The following RMC1 variants were observed in gnomAD, a reference collection of about 807,000 sequenced individuals.
The protein encoded by RMC1 is regulator of MON1-CCZ1.
A neutral mutation model predicts 95.5 loss-of-function variants in RMC1; 44 were observed. That is an observed-to-expected ratio of 0.46 (90% CI 0.36 to 0.59). The LOEUF (loss-of-function observed/expected upper bound fraction) is 0.59. Ranked by LOEUF, RMC1 falls within the 20% of genes least tolerant of loss-of-function variation. The probability of loss-of-function intolerance (pLI) is 0.00; values close to 1 mark genes in which losing one functional copy is unlikely to be tolerated. For synonymous variants in RMC1, 320 were observed against 303.6 expected (o/e 1.05, Z -0.56); for missense variants, 705 against 819.6 (o/e 0.86, Z 1.71).
chr18:23,513,841 T>C (rs892264526), intron 5 of RMC1, among the ~76,000 whole-genome samples: 2 of 152,258 alleles, frequency 1.3e-5, no homozygotes, highest in African/African-American at 4.8e-5. Context: ...GAGAAATGAC[T>C]AATTCGGGTC....
chr18:23,519,189 CG>C lies in RMC1; in HGVS notation c.849+16del. 1 of 1,604,866 alleles carries C rather than the reference CG, an allele frequency of 6.2e-7. No homozygotes were observed. Among genetic ancestry groups the C allele is most frequent in the East Asian group, 2.2e-5 (1 of 44,766 alleles). ...AGGATACAGAGGTACAAGCTGTCTG[CG>C]TTTCTACCAAAGTTAAGGTTGCTTA... is the stretch of plus-strand genomic sequence containing the variant. On this transcript the variant is annotated intron_variant, in intron 9 of 19. Coordinates refer to ENST00000269221, the MANE Select transcript of RMC1 (RefSeq NM_013326.5).
rs534717034 is a variant in RMC1 at position 23,527,342 on chromosome 18, C to T, written c.1190-453C>T. Reference sequence around the variant, plus strand: ...TGAGCCCGGGAGGACGAGGCTGCAGCGAGCCGTTTGTGTCAGTGTACCTCC... The same window carrying T: ...TGAGCCCGGGAGGACGAGGCTGCAGTGAGCCGTTTGTGTCAGTGTACCTCC... On this transcript the variant is annotated intron_variant, in intron 13 of 19. Transcript: ENST00000269221. Among the ~76,000 whole-genome samples, 18 of 151,808 alleles carry T rather than the reference C, an allele frequency of 1.2e-4. No individual in the cohort carries two copies. In the South Asian group the frequency reaches 2.5e-3, roughly 21 times the overall value.
At chr18:23,513,916 A>C (rs553424854) in intron 5 of RMC1, among the ~76,000 whole-genome samples, 1 of 152,188 alleles carries the variant, frequency 6.6e-6, no homozygotes, top group African/African-American at 2.4e-5. Flanking sequence ...ATATATTCTG[A>C]TATTAACACC....
Position 23,530,665 on chromosome 18 carries a change from A to C in RMC1, c.1894+53A>C. ...TAACCATAGCCTCAAAGAGTAGCAG[A>C]GGGCACTGGCAGCTGGTGGGCGAGG... On this transcript the variant is annotated intron_variant, in intron 19 of 19. Transcript: ENST00000269221. The C allele has an allele frequency of 5.8e-6, 9 of 1,549,876 alleles. No individual in the cohort carries two copies. In the East Asian group the frequency reaches 2.0e-4, roughly 35 times the overall value.
At chr18:23,531,402 A>AC (rs2058500323) in intron 19 of RMC1, 2 of 848,606 alleles carry the variant, frequency 2.4e-6, no homozygotes, top group Non-Finnish European at 3.4e-6. Flanking sequence ...AGCTCAATGT[A>AC]AGACGGCATT....
chr18:23,528,158 T>C, intron 14 of RMC1: 1 of 363,728 alleles, frequency 2.7e-6, no homozygotes, highest in Non-Finnish European at 5.0e-6. Flanking sequence ...GTGTTTGATC[T>C]TGCCTGTAGA....
Position 23,516,355 on chromosome 18 carries a change from T to A in RMC1, c.585T>A (p.Ile195=). 6.2e-7 allele frequency: 1 copy of A among 1,614,248 alleles called. No homozygotes were observed. Among genetic ancestry groups the A allele is most frequent in the South Asian group, 1.1e-5 (1 of 91,092 alleles). ...GTMSKLPKFE[I]ELPAAPKSTK... ...TGTCGAAGCTGCCCAAATTTGAGATTGAATTACCAGCTGCGCCTAAGTCAA... is the reference window on the plus strand; with the variant it reads ...TGTCGAAGCTGCCCAAATTTGAGATAGAATTACCAGCTGCGCCTAAGTCAA... Residue 195 remains isoleucine (I), a synonymous_variant, in exon 7 of 20, where the codon ATT becomes ATA. Transcript: ENST00000269221.
At chr18:23,505,342 A>G (rs2057687503) in intron 2 of RMC1, among the ~76,000 whole-genome samples, 1 of 152,186 alleles carries the variant, frequency 6.6e-6, no homozygotes, top group African/African-American at 2.4e-5. Context: ...GATTACAGGC[A>G]TGAGCCGCTG....
rs1281201862 is a variant in RMC1, at chr18:23,504,437, A to G, written c.169A>G (p.Ile57Val). Residue 57 changes from isoleucine to valine, a missense_variant, in exon 2 of 20, where the codon ATC becomes GTC. Physicochemically the swap from Ile to Val is conservative, Grantham distance 29 (BLOSUM62 3). Coordinates refer to ENST00000269221, the MANE Select transcript of RMC1 (RefSeq NM_013326.5). ...VVKGPDDRNPISFRMDDKGEV... is the reference protein window; with the variant it reads ...VVKGPDDRNPVSFRMDDKGEV... Reference sequence around the variant, plus strand: ...TAAAGGCCCAGATGATAGGAATCCCATCTCATTTAGGTAATGGTATAGACA... The same window carrying G: ...TAAAGGCCCAGATGATAGGAATCCCGTCTCATTTAGGTAATGGTATAGACA... 1 of 1,613,222 alleles carries G rather than the reference A, an allele frequency of 6.2e-7. No individual in the cohort carries two copies. The highest frequency in any genetic ancestry group is 8.5e-7 in the Non-Finnish European group (1 of 1,179,120).
chr18:23,524,750 A>G (rs1045703529), intron 12 of RMC1, among the ~76,000 whole-genome samples: 2 of 151,874 alleles, frequency 1.3e-5, no homozygotes, highest in African/African-American at 4.8e-5. Flanking sequence ...ACTCCACCCC[A>G]GGGTGGATGG....
At position 23,507,059 on chromosome 18, in the gene RMC1, G is replaced by T; in HGVS notation, c.264+5G>T. The stretch of plus-strand genomic sequence containing the variant: ...CAGAGGACCTCAAAGACTGTGGTAA[G>T]ACTTATCTTTAAAATACAGCATTAA... On this transcript the variant is annotated splice_donor_5th_base_variant and intron_variant, in intron 3 of 19. Coordinates refer to ENST00000269221, the MANE Select transcript of RMC1 (RefSeq NM_013326.5). 6.3e-7 allele frequency: 1 copy of T among 1,578,272 alleles called. No homozygotes were observed. The highest frequency in any genetic ancestry group is 1.1e-5 in the South Asian group (1 of 87,068).
At chr18:23,531,542 C>T in intron 19 of RMC1, 83 bp from the exon 20 acceptor site, 2 of 1,557,822 alleles carry the variant, frequency 1.3e-6, no homozygotes, top group Non-Finnish European at 1.7e-6. Flanking sequence ...AAGTTAAAAC[C>T]CAGTAGACAC....
chr18:23,529,112 A>G, intron 14 of RMC1, 67 bp from the exon 15 acceptor site: 3 of 1,560,500 alleles, frequency 1.9e-6, no homozygotes, highest in Non-Finnish European at 2.6e-6. Context: ...GTCCTTGTGG[A>G]TGAACTGTAA....
chr18:23,526,507 T>C, intron 12 of RMC1, 130 bp from the exon 13 acceptor site: 2 of 1,088,486 alleles, frequency 1.8e-6, no homozygotes, highest in Non-Finnish European at 2.6e-6. Context: ...AAGGAAAAGC[T>C]ACACTGACTG....
chr18:23,519,809 G>A (rs765695239), intron 9 of RMC1, among the ~76,000 whole-genome samples: 2 of 152,114 alleles, frequency 1.3e-5, no homozygotes, highest in Non-Finnish European at 2.9e-5. Flanking sequence ...AGGCCGTGTG[G>A]ACCAGGACAA....
At position 23,510,646 on chromosome 18, in the gene RMC1, CA is replaced by C. The variant is rs1209479609; in HGVS notation, c.408+1379del. Among the ~76,000 whole-genome samples, 563 of 129,916 alleles carry C rather than the reference CA, an allele frequency of 4.3e-3. 3 individuals are homozygous for C. The highest frequency in any genetic ancestry group is 0.014 in the African/African-American group (478 of 35,034). The allele number at this position is 129,916 out of a possible 152,430, so 85.2% of individuals were successfully genotyped here. A position where few individuals can be genotyped will look rare whatever the true frequency, so the allele number is the denominator to read the frequency against. On this transcript the variant is annotated intron_variant, in intron 5 of 19. Coordinates refer to ENST00000269221, the MANE Select transcript of RMC1 (RefSeq NM_013326.5). ...TGGGCAACAGAGCGAGACTCCGTCT[CA>C]AAAAAAAAAAAGTGGGCAAAGGACA...
rs1598878237 is a variant in RMC1 at position 23,518,989 on chromosome 18, A to G, written c.743+10A>G. Reference sequence around the variant, plus strand: ...TCTATCATCTACCACGGTAGATTTCATGCTTTGTTTTCCCTCTCTCTCTGA... The same window carrying G: ...TCTATCATCTACCACGGTAGATTTCGTGCTTTGTTTTCCCTCTCTCTCTGA... On this transcript the variant is annotated intron_variant, in intron 8 of 19. Transcript: ENST00000269221. 6.2e-7 allele frequency: 1 copy of G among 1,614,056 alleles called. No individual in the cohort carries two copies. Among genetic ancestry groups the G allele is most frequent in the Non-Finnish European group, 8.5e-7 (1 of 1,179,914 alleles).
intron 11 of RMC1, 79 bp downstream of exon 11, chr18:23,524,253 C>A (rs1390495276): frequency 5.9e-5 from 93 of 1,564,614 alleles, no homozygotes; most frequent in Non-Finnish European, 7.7e-5. Flanking sequence ...AGTCCTCCTC[C>A]GGGCAGCTGT....
intron 3 of RMC1, among the ~76,000 whole-genome samples, chr18:23,507,493 A>G (rs1055058470): frequency 6.6e-6 from 1 of 152,182 alleles, no homozygotes; most frequent in Non-Finnish European, 1.5e-5. Context: ...TAGCCTTTTC[A>G]TCTCTCATTT....
Sources: allele counts gnomAD v4.1 joint callset (sites outside exome capture counted in the v4.1 genomes callset), GRCh38; gene constraint gnomAD v4.1.1; transcripts MANE v1.5; gene names NCBI Gene and HGNC (gene_info 2026-07-23, HGNC 2026-07-21).